COL4A3: variants seen among roughly 807,000 people sequenced by gnomAD.
COL4A3 encodes collagen type IV alpha 3 chain, also known as collagen alpha-3(IV) chain.
In COL4A3, 135 loss-of-function variants were observed where a neutral mutation model predicts 217.4. The observed-to-expected ratio is 0.62, with a 90% confidence interval of 0.54 to 0.72. The LOEUF (loss-of-function observed/expected upper bound fraction) is 0.72. Among genes scored for constraint, COL4A3 ranks in the 30% least tolerant of loss-of-function variants. The pLI is 0.00. For missense variants in COL4A3, 1,868 were observed against 2,119.9 expected (o/e 0.88, Z 2.33); for synonymous variants, 690 against 736.3 (o/e 0.94, Z 1.02).
intron 1 of COL4A3, among the ~76,000 whole-genome samples, chr2:227,214,601 A>G (rs963818070): frequency 6.6e-5 from 10 of 152,242 alleles, no homozygotes; most frequent in African/African-American, 2.4e-4. Context: ...GCCAGAGCCT[A>G]TTAAAACACT....
intron 28 of COL4A3, chr2:227,279,410 C>T: frequency 5.7e-6 from 1 of 176,548 alleles, no homozygotes; most frequent in South Asian, 1.3e-4. Flanking sequence ...AGCCATCATG[C>T]CCAGCCAAAA....
chr2:227,301,497 T>C (rs2073285599), intron 43 of COL4A3, among the ~76,000 whole-genome samples: 1 of 152,204 alleles, frequency 6.6e-6, no homozygotes, highest in Non-Finnish European at 1.5e-5. Flanking sequence ...AAAAATGACA[T>C]ATTTGCCCAT....
chr2:227,228,160 G>C (rs2068201407), intron 1 of COL4A3, among the ~76,000 whole-genome samples: 1 of 152,218 alleles, frequency 6.6e-6, no homozygotes, highest in Admixed American at 6.5e-5. Flanking sequence ...GGGATAGGAA[G>C]TGGCAGCTGC....
In COL4A3 at chr2:227,310,860, C is replaced by T. The variant is rs755140565; in HGVS notation, c.4840C>T (p.Leu1614=). ...CLEEFRASPF[L]ECHGRGTCNY... ...GGAAGAATTCCGAGCCAGCCCATTT[C>T]TAGAATGTCATGGAAGAGGAACGTG... The change falls in exon 51 of 52, where the codon CTA becomes TTA. Residue 1614 remains leucine, a synonymous_variant. Coordinates refer to ENST00000396578, the MANE Select transcript of COL4A3 (RefSeq NM_000091.5). The T allele has an allele frequency of 3.1e-6, 5 of 1,614,188 alleles. No individual in the cohort carries two copies. In the East Asian group the frequency reaches 1.1e-4, roughly 36 times the overall value.
At chr2:227,279,770 T>G in intron 28 of COL4A3, 23 bp from the exon 29 acceptor site, 1 of 1,498,984 alleles carries the variant, frequency 6.7e-7, no homozygotes. Context: ...CCTACAACAA[T>G]GTTTATTGTT....
Position 227,167,262 on chromosome 2 carries a change from G to C in COL4A3, c.87+2449G>C, listed in dbSNP as rs183333758. ...TAGCATTTCTCAAAACAGGGAAATA[G>C]CAGCGGTGTTGACTCTACATGCTAA... On this transcript the variant is annotated intron_variant, in intron 1 of 51. Transcript: ENST00000396578. Among the ~76,000 whole-genome samples, 342 of 152,350 alleles carry C rather than the reference G, an allele frequency of 2.2e-3. 1 individual carries two copies. Among genetic ancestry groups the C allele is most frequent in the Non-Finnish European group, 2.9e-3 (200 of 68,024 alleles).
chr2:227,296,526 G>T (rs1343085327), intron 41 of COL4A3: 2 of 978,782 alleles, frequency 2.0e-6, no homozygotes, highest in African/African-American at 3.5e-5. Flanking sequence ...AGACTTGGAA[G>T]GTATGAATCC....
intron 9 of COL4A3, 82 bp from the exon 10 acceptor site, chr2:227,251,058 T>C: frequency 9.7e-7 from 1 of 1,033,708 alleles, no homozygotes; most frequent in Non-Finnish European, 1.5e-6. Context: ...TATTAAAATA[T>C]TTTAATGCAT....
chr2:227,212,161 G>GTTT (rs398105403), intron 1 of COL4A3, among the ~76,000 whole-genome samples: 5 of 148,458 alleles, frequency 3.4e-5, no homozygotes, highest in African/African-American at 1.2e-4. Flanking sequence ...TGTTTTTTTT[G>GTTT]TTTTTTTTTG....
At chr2:227,268,131 A>G (rs907326526) in intron 23 of COL4A3, among the ~76,000 whole-genome samples, 1 of 152,176 alleles carries the variant, frequency 6.6e-6, no homozygotes, top group Admixed American at 6.5e-5. Flanking sequence ...TCATCAAATT[A>G]TGTATCATTG....
chr2:227,209,568 A>T (rs1021856797), intron 1 of COL4A3, among the ~76,000 whole-genome samples: 1 of 152,114 alleles, frequency 6.6e-6, no homozygotes, highest in South Asian at 2.1e-4. Flanking sequence ...GGCTGGGCAC[A>T]GTGACTCACA....
At chr2:227,196,103 G>A (rs1271735183) in intron 1 of COL4A3, among the ~76,000 whole-genome samples, 1 of 152,022 alleles carries the variant, frequency 6.6e-6, no homozygotes, top group African/African-American at 2.4e-5. Context: ...AAAAGTTATA[G>A]TGGGCTCAGG....
intron 1 of COL4A3, among the ~76,000 whole-genome samples, chr2:227,196,233 CACTCACTCACT>C (rs1320920646): frequency 1.9e-4 from 29 of 152,102 alleles, no homozygotes; most frequent in African/African-American, 6.0e-4. Context: ...ATTCACTCAC[CACTCACTCACT>C]GACTCACCCA....
intron 1 of COL4A3, chr2:227,221,020 G>A (rs2067758027): frequency 6.6e-6 from 1 of 152,180 alleles, no homozygotes; most frequent in South Asian, 2.1e-4. Context: ...TGAGGAGCTG[G>A]ATGCTTTTGT....
At position 227,245,958 on chromosome 2, in the gene COL4A3, C is replaced by T. The variant is rs543390575; in HGVS notation, c.329C>T (p.Thr110Ile). 19 of 1,613,578 alleles carry T rather than the reference C, an allele frequency of 1.2e-5. No individual in the cohort carries two copies. Among genetic ancestry groups the T allele is most frequent in the Admixed American group, 8.3e-5 (5 of 59,990 alleles). ...GFSGSPGLPG[T>I]PGNTGPYGLV... is the part of the protein sequence containing the mutation. ...TGAGACTTGTTCTTCTTCCAGGGCA[C>T]CCCAGGCAATACCGGGCCTTACGGA... The change falls in exon 6 of 52, where the codon ACC becomes ATC. Residue 110 changes from threonine (T) to isoleucine (I), a missense_variant. Physicochemically the swap from Thr to Ile is moderately conservative, Grantham distance 89. Transcript: ENST00000396578.
chr2:227,193,884 G>GAGGGA (rs2066356614), intron 1 of COL4A3, among the ~76,000 whole-genome samples: 5 of 90,492 alleles, frequency 5.5e-5, no homozygotes, highest in Admixed American at 1.4e-4. Context: ...GAGAGGGAGG[G>GAGGGA]AGGAAGGAAG....
rs933437589 is a variant in COL4A3 at position 227,314,468 on chromosome 2, C to G, written c.*2598C>G. 1 of 152,512 alleles carries G rather than the reference C, an allele frequency of 6.6e-6. No homozygotes were observed. Among genetic ancestry groups the G allele is most frequent in the Non-Finnish European group, 1.5e-5 (1 of 68,014 alleles). The allele number at this position is 152,512 out of a possible 1,614,324, so 9.4% of individuals were successfully genotyped here. On this transcript the variant is annotated 3_prime_UTR_variant, in exon 52 of 52. Transcript: ENST00000396578. ...GGGCTTCAACTTTGGAATTTCACAG[C>G]GTGCTAAAATAACAGATTTCTCAGA... is the stretch of plus-strand genomic sequence containing the variant.
intron 1 of COL4A3, among the ~76,000 whole-genome samples, chr2:227,218,460 C>T (rs1317825930): frequency 6.6e-6 from 1 of 151,614 alleles, no homozygotes; most frequent in African/African-American, 2.4e-5. Flanking sequence ...AGCAAGACTC[C>T]GTCTCAAAAG....
intron 5 of COL4A3, 43 bp from the exon 6 acceptor site, chr2:227,245,911 T>G (rs1451988485): frequency 6.7e-7 from 1 of 1,496,588 alleles, no homozygotes; most frequent in South Asian, 1.1e-5. Flanking sequence ...TCAGTGCTGT[T>G]TCTTGGGATG....
Sources: gnomAD v4.1 joint callset for allele counts (sites outside exome capture counted in the v4.1 genomes callset) on GRCh38, gnomAD v4.1.1 for gene constraint, MANE v1.5 for transcripts, NCBI Gene and HGNC (gene_info 2026-07-23, HGNC 2026-07-21) for gene names.